ASTN2: variants seen among roughly 807,000 people sequenced by gnomAD.
The protein encoded by ASTN2 is astrotactin 2, also known as astrotactin-2.
A neutral mutation model predicts 139.8 loss-of-function variants in ASTN2; 54 were observed. That is an observed-to-expected ratio of 0.39 (90% CI 0.31 to 0.48). The LOEUF is 0.48. ASTN2 is among the 20% of genes least tolerant of loss of function. The pLI, the probability that ASTN2 is intolerant of heterozygous loss-of-function variation, is 0.95. For synonymous variants in ASTN2, 756 were observed against 719.5 expected, an observed-to-expected ratio of 1.05 and a Z score of -0.81; for missense variants, 1,565 against 1,725.1, an observed-to-expected ratio of 0.91 and a Z score of 1.64.
At chr9:117,398,965 T>A (rs528676924) in intron 1 of ASTN2, among the ~76,000 whole-genome samples, 39 of 152,228 alleles carry the variant, frequency 2.6e-4, no homozygotes, top group African/African-American at 9.1e-4. Flanking sequence ...GTATTTTTAG[T>A]AGAGATGGGG....
intron 1 of ASTN2, among the ~76,000 whole-genome samples, chr9:117,295,365 G>T (rs777719334): frequency 2.6e-4 from 40 of 152,102 alleles, no homozygotes; most frequent in Non-Finnish European, 5.0e-4. Context: ...ACGAAAGAAA[G>T]AAATAAATTT....
At chr9:117,223,018 AATAAG>A (rs1244262077) in intron 2 of ASTN2, among the ~76,000 whole-genome samples, 2 of 152,220 alleles carry the variant, frequency 1.3e-5, no homozygotes, top group Non-Finnish European at 1.5e-5. Context: ...GCAGCTGGAG[AATAAG>A]ATAATAAGAA....
intron 1 of ASTN2, among the ~76,000 whole-genome samples, chr9:117,358,064 A>G (rs1049030389): frequency 6.6e-6 from 1 of 152,176 alleles, no homozygotes; most frequent in Non-Finnish European, 1.5e-5. Context: ...AGATGGTCCT[A>G]TCCCAGACCC....
intron 11 of ASTN2, among the ~76,000 whole-genome samples, chr9:116,835,657 T>G (rs763055144): frequency 6.6e-6 from 1 of 152,200 alleles, no homozygotes; most frequent in African/African-American, 2.4e-5. Context: ...AAAACAAAGC[T>G]GCTCCCTGAC....
rs79650381 is a variant in ASTN2, at chr9:117,295,749, TA to T, written c.443-4237del. On this transcript the variant is annotated intron_variant, in intron 1 of 22. Transcript: ENST00000313400. ...AGAGTGTTACATTTCATCAGAGAAT[TA>T]AAAAAAAAAAAGAAGAAGAAGAAGT... Among the ~76,000 whole-genome samples the T allele has an allele frequency of 1.4e-3, 204 of 144,902 alleles. 2 individuals carry two copies. Among genetic ancestry groups the T allele is most frequent in the African/African-American group, 2.9e-3 (112 of 39,092 alleles).
chr9:117,329,500 C>T (rs992884872), intron 1 of ASTN2, among the ~76,000 whole-genome samples: 1 of 152,036 alleles, frequency 6.6e-6, no homozygotes, highest in Non-Finnish European at 1.5e-5. Flanking sequence ...ACTAAGTTCA[C>T]TTTTTCACAT....
At chr9:116,538,186 G>GGGAGGAAGGGAT (rs1469135503) in intron 19 of ASTN2, among the ~76,000 whole-genome samples, 1 of 151,960 alleles carries the variant, frequency 6.6e-6, no homozygotes, top group Non-Finnish European at 1.5e-5. Context: ...AAGAAAGGGA[G>GGGAGGAAGGGAT]GGAGGAAGGG....
At chr9:116,446,895 C>G (rs562117693) in intron 20 of ASTN2, among the ~76,000 whole-genome samples, 6 of 152,318 alleles carry the variant, frequency 3.9e-5, no homozygotes, top group African/African-American at 1.4e-4. Flanking sequence ...GATAACTACT[C>G]CGAAGTATTT....
intron 1 of ASTN2, among the ~76,000 whole-genome samples, chr9:117,377,279 A>C (rs1350226034): frequency 6.6e-6 from 1 of 151,960 alleles, no homozygotes; most frequent in Admixed American, 6.5e-5. Flanking sequence ...GCAGGAGGTT[A>C]ACCAAGCCAC....
chr9:116,635,816 G>C (rs1047904064), intron 17 of ASTN2, among the ~76,000 whole-genome samples: 22 of 152,164 alleles, frequency 1.4e-4, no homozygotes, highest in African/African-American at 5.1e-4. Context: ...TTAAGAAAAG[G>C]GCTTTGAATT....
At chr9:117,152,254 G>A (rs1044821300) in intron 3 of ASTN2, among the ~76,000 whole-genome samples, 1 of 152,082 alleles carries the variant, frequency 6.6e-6, no homozygotes, top group African/African-American at 2.4e-5. Context: ...ATAAGCCTGC[G>A]GAGGGTCTTG....
At chr9:116,636,330 C>T (rs1857072536) in intron 17 of ASTN2, among the ~76,000 whole-genome samples, 1 of 152,192 alleles carries the variant, frequency 6.6e-6, no homozygotes, top group Admixed American at 6.5e-5. Flanking sequence ...CGGAAATAGC[C>T]TCTGTGCTTT....
At position 116,440,903 on chromosome 9, in the gene ASTN2, G is replaced by C. The variant is rs1588060655; in HGVS notation, c.3599-111C>G. On this transcript the variant is annotated intron_variant, in intron 21 of 22. Coordinates refer to ENST00000313400, the MANE Select transcript of ASTN2 (RefSeq NM_001365068.1). ...GTGGTGAGAAAGTTTGCTTGCATAA[G>C]CTCTGGGAGCAGACAAACCTTAATT... 5.6e-6 allele frequency: 6 copies of C among 1,079,262 alleles called. No homozygotes were observed. In the South Asian group the frequency reaches 6.6e-5, roughly 12 times the overall value. The allele number at this position is 1,079,262 out of a possible 1,614,324, so 66.9% of individuals were successfully genotyped here. A position where few individuals can be genotyped will look rare whatever the true frequency, so the allele number is the denominator to read the frequency against.
At chr9:116,640,147 T>G (rs188016781) in intron 17 of ASTN2, among the ~76,000 whole-genome samples, 224 of 152,202 alleles carry the variant, frequency 1.5e-3, no homozygotes, top group Non-Finnish European at 2.3e-3. Context: ...ATTTGAAAAC[T>G]GGGAATGTTC....
intron 17 of ASTN2, among the ~76,000 whole-genome samples, chr9:116,626,574 GGCTAT>G (rs1391986675): frequency 2.6e-5 from 4 of 152,108 alleles, no homozygotes; most frequent in African/African-American, 7.2e-5. Context: ...AATTGGGGTG[GGCTAT>G]GGAGGTAGAG....
chr9:117,378,099 T>C (rs2130923655), intron 1 of ASTN2, among the ~76,000 whole-genome samples: 1 of 152,334 alleles, frequency 6.6e-6, no homozygotes, highest in South Asian at 2.1e-4. Context: ...TTCTGTAATT[T>C]TGAAAAGTAT....
chr9:117,030,378 C>A (rs1475461134), intron 6 of ASTN2, among the ~76,000 whole-genome samples: 3 of 152,218 alleles, frequency 2.0e-5, no homozygotes, highest in Non-Finnish European at 4.4e-5. Flanking sequence ...CTTGCAACAA[C>A]CCTCTGCCCC....
intron 20 of ASTN2, among the ~76,000 whole-genome samples, chr9:116,475,203 G>C (rs1017660536): frequency 2.0e-5 from 3 of 152,184 alleles, no homozygotes; most frequent in African/African-American, 7.2e-5. Flanking sequence ...TGGCTTGGAA[G>C]ATGTATTAAC....
chr9:116,791,476 T>C (rs1178361034), intron 13 of ASTN2, among the ~76,000 whole-genome samples: 2 of 152,188 alleles, frequency 1.3e-5, no homozygotes, highest in Non-Finnish European at 2.9e-5. Flanking sequence ...GAAGTGTTTA[T>C]TTATAAAAGA....
Sources: gnomAD v4.1 joint callset for allele counts (sites outside exome capture counted in the v4.1 genomes callset) on GRCh38, gnomAD v4.1.1 for gene constraint, MANE v1.5 for transcripts, NCBI Gene and HGNC (gene_info 2026-07-23, HGNC 2026-07-21) for gene names.